Variants in TTL observed in about 807,000 individuals in gnomAD.
The protein encoded by TTL is tubulin--tyrosine ligase.
A neutral mutation model predicts 41.1 loss-of-function variants in TTL; 10 were observed. That is an observed-to-expected ratio of 0.24 (90% CI 0.15 to 0.41). The LOEUF (loss-of-function observed/expected upper bound fraction) is 0.41. Ranked by LOEUF, TTL falls within the 10% of genes least tolerant of loss-of-function variation. The probability of loss-of-function intolerance (pLI) is 1.00; values close to 1 mark genes in which losing one functional copy is unlikely to be tolerated. For missense variants in TTL, 367 were observed against 460.4 expected (o/e 0.80, Z 1.86); for synonymous variants, 175 against 175.5 (o/e 1.00, Z 0.02).
At chr2:112,510,604 TG>T (rs1354105929) in intron 5 of TTL, among the ~76,000 whole-genome samples, 5 of 152,206 alleles carry the variant, frequency 3.3e-5, no homozygotes, top group African/African-American at 1.2e-4. Context: ...CCCGTGTAGC[TG>T]GGATTACAGG....
chr2:112,489,184 C>G (rs1681317997), intron 2 of TTL, among the ~76,000 whole-genome samples: 1 of 152,144 alleles, frequency 6.6e-6, no homozygotes, highest in Non-Finnish European at 1.5e-5. Flanking sequence ...ATATAAAAAG[C>G]TATTATATTT....
At chr2:112,503,447 T>A (rs1014712893) in intron 5 of TTL, among the ~76,000 whole-genome samples, 15 of 145,424 alleles carry the variant, frequency 1.0e-4, no homozygotes, top group African/African-American at 2.0e-4. Context: ...TTATTTATTT[T>A]TTTGAGACAG....
intron 5 of TTL, among the ~76,000 whole-genome samples, chr2:112,513,022 G>A (rs7576952): frequency 0.067 from 10,112 of 150,918 alleles, 595 homozygotes; most frequent in East Asian, 0.29. Context: ...TTATTTCACA[G>A]CCTTCTTAGA....
In TTL at chr2:112,530,331, G is replaced by A. The variant is rs1682474646; in HGVS notation, c.*1536G>A. On this transcript the variant is annotated 3_prime_UTR_variant, in exon 7 of 7. Transcript: ENST00000233336. ...TGATAGGATGTGAGGGTGTTACCTT[G>A]GGGTGAAGTGGAGAAGGTCCCAGGT... The A allele has an allele frequency of 4.3e-6, 1 of 232,032 alleles. No homozygotes were observed. Among genetic ancestry groups the A allele is most frequent in the African/African-American group, 2.2e-5 (1 of 45,274 alleles). 14.4% of individuals were successfully genotyped at this position (232,032 alleles called of 1,614,324 possible). A position where few individuals can be genotyped will look rare whatever the true frequency, so the allele number is the denominator to read the frequency against.
In TTL at chr2:112,541,251, C is replaced by G. The variant is rs1595388; in HGVS notation, c.*12456C>G. On this transcript the variant is annotated 3_prime_UTR_variant, in exon 7 of 7. Transcript: ENST00000233336. ...ACTTCAAAATTAAAACGTTTTGCTTCAAAGGACACCAGCAAGAAAGTAAAA... is the reference window on the plus strand; with the variant it reads ...ACTTCAAAATTAAAACGTTTTGCTTGAAAGGACACCAGCAAGAAAGTAAAA... The G allele has an allele frequency of 0.52, 78,405 of 151,976 alleles. 20,734 individuals carry two copies. The highest frequency in any genetic ancestry group is 0.65 in the Middle Eastern group (190 of 294). The allele number at this position is 151,976 out of a possible 1,614,324, so 9.4% of individuals were successfully genotyped here.
intron 6 of TTL, among the ~76,000 whole-genome samples, chr2:112,521,716 G>A (rs1037327532): frequency 6.6e-6 from 1 of 152,190 alleles, no homozygotes; most frequent in Admixed American, 6.5e-5. Context: ...ACAGTGGGGA[G>A]CAAAGAGAGA....
intron 6 of TTL, chr2:112,522,676 C>G (rs115502336): frequency 0.013 from 1,932 of 152,808 alleles, 37 homozygotes; most frequent in African/African-American, 0.037. Context: ...TGTCTCCCGT[C>G]TGCCTCCAGA....
In TTL at chr2:112,491,177, G is replaced by A. The variant is rs566249376; in HGVS notation, c.237-2966G>A. Among the ~76,000 whole-genome samples the A allele has an allele frequency of 1.1e-4, 17 of 152,122 alleles. No individual in the cohort carries two copies. The East Asian group carries it at 2.9e-3, about 26-fold the overall frequency. ...CGGCTAATTTTTTGTATTTTTAGTA[G>A]AGATAGGGTTTCACCGCGTTAGCCA... On this transcript the variant is annotated intron_variant, in intron 2 of 6. Transcript: ENST00000233336.
At chr2:112,493,590 G>A (rs538741472) in intron 2 of TTL, among the ~76,000 whole-genome samples, 2 of 152,246 alleles carry the variant, frequency 1.3e-5, no homozygotes, top group Non-Finnish European at 2.9e-5. Context: ...GGGAGCAGGA[G>A]GTATATTTCA....
At position 112,535,049 on chromosome 2, in the gene TTL, A is replaced by G. The variant is rs1360857230; in HGVS notation, c.*6254A>G. The G allele has an allele frequency of 6.7e-6, 1 of 150,296 alleles. No homozygotes were observed. Among genetic ancestry groups the G allele is most frequent in the Non-Finnish European group, 1.5e-5 (1 of 67,964 alleles). 9.3% of individuals were successfully genotyped at this position (150,296 alleles called of 1,614,324 possible). The stretch of plus-strand genomic sequence containing the variant: ...GAAAGGAGGGAGGGAAGAAAAGAGA[A>G]AGATTGAGAAAGAAAAAAGAGAAAG... On this transcript the variant is annotated 3_prime_UTR_variant, in exon 7 of 7. Transcript: ENST00000233336.
At position 112,482,868 on chromosome 2, in the gene TTL, T is replaced by G. The variant is rs1165321892; in HGVS notation, c.157+367T>G. Among the ~76,000 whole-genome samples, 1 of 152,084 alleles carries G rather than the reference T, an allele frequency of 6.6e-6. No homozygotes were observed. Among genetic ancestry groups the G allele is most frequent in the Non-Finnish European group, 1.5e-5 (1 of 68,016 alleles). ...GCGGGTCCGCCGCGCTGGGCGCGGC[T>G]CCGCAGAGCGGGCGGCTGGAGTCAT... On this transcript the variant is annotated intron_variant, in intron 1 of 6. Transcript: ENST00000233336. The surrounding 1 kb of genome is among the most constrained non-coding windows in gnomAD (Gnocchi z 5.3).
intron 1 of TTL, among the ~76,000 whole-genome samples, chr2:112,485,271 T>TA (rs1681211385): frequency 6.6e-6 from 1 of 152,226 alleles, no homozygotes; most frequent in Non-Finnish European, 1.5e-5. Context: ...TTATTTTTAA[T>TA]AAAAATTGTT....
chr2:112,533,702 A>G lies in TTL; in HGVS notation c.*4907A>G, dbSNP rs1682550102. The G allele has an allele frequency of 6.6e-6, 1 of 152,214 alleles. No homozygotes were observed. The highest frequency in any genetic ancestry group is 2.1e-4 in the South Asian group (1 of 4,820). 9.4% of individuals were successfully genotyped at this position (152,214 alleles called of 1,614,324 possible). A position where few individuals can be genotyped will look rare whatever the true frequency, so the allele number is the denominator to read the frequency against. On this transcript the variant is annotated 3_prime_UTR_variant, in exon 7 of 7. Transcript: ENST00000233336. ...ATAACTAACCCACTCCTGGCATAACATCATTAATTTATTCATGAGGGTAGA... is the reference window on the plus strand; with the variant it reads ...ATAACTAACCCACTCCTGGCATAACGTCATTAATTTATTCATGAGGGTAGA...
chr2:112,512,439 T>C (rs1455122893), intron 5 of TTL, among the ~76,000 whole-genome samples: 2 of 152,078 alleles, frequency 1.3e-5, no homozygotes, highest in East Asian at 3.8e-4. Context: ...ATTTTTTGCA[T>C]TTTTAGTAGA....
rs767022904 is a variant in TTL, at chr2:112,501,269, A to C, written c.533A>C (p.Gln178Pro). Residue 178 changes from glutamine to proline, a missense_variant, in exon 4 of 7, where the codon CAA becomes CCA. Physicochemically the swap from Gln to Pro is moderately conservative, Grantham distance 76. Coordinates refer to ENST00000233336, the MANE Select transcript of TTL (RefSeq NM_153712.5). The stretch of plus-strand genomic sequence containing the variant: ...CTCGATTTCATAGACAACCAGGGCC[A>C]AGTGCACGTGATCCAGAAATATCTT... Reference protein sequence around the residue: ...ELLDFIDNQGQVHVIQKYLEH... With the variant: ...ELLDFIDNQGPVHVIQKYLEH... The C allele has an allele frequency of 1.7e-5, 27 of 1,613,658 alleles. No individual in the cohort carries two copies. The highest frequency in any genetic ancestry group is 2.2e-5 in the South Asian group (2 of 91,054).
chr2:112,523,342 G>GGGTGTGTC (rs1475791099), intron 6 of TTL, among the ~76,000 whole-genome samples: 4 of 44,278 alleles, frequency 9.0e-5, no homozygotes, highest in Non-Finnish European at 1.9e-4. Context: ...CTGTGGGTGT[G>GGGTGTGTC]TGTGTGTCTG....
intron 2 of TTL, among the ~76,000 whole-genome samples, chr2:112,486,759 G>A (rs185708632): frequency 1.3e-5 from 2 of 152,258 alleles, no homozygotes; most frequent in East Asian, 3.9e-4. Context: ...TGCCTCCCTC[G>A]TAAGGCTATT....
At chr2:112,507,398 C>G (rs1681818676) in intron 5 of TTL, among the ~76,000 whole-genome samples, 1 of 39,714 alleles carries the variant, frequency 2.5e-5, no homozygotes, top group African/African-American at 1.2e-4. Context: ...GTTGATCTGT[C>G]TAATGTTGAC....
chr2:112,495,846 TA>T (rs11400473), intron 3 of TTL, among the ~76,000 whole-genome samples: 7 of 149,040 alleles, frequency 4.7e-5, no homozygotes, highest in Admixed American at 1.3e-4. Context: ...TCTCAAAAAT[TA>T]AAAAAAAAAC....
Sources: allele counts gnomAD v4.1 joint callset (sites outside exome capture counted in the v4.1 genomes callset), GRCh38; gene constraint gnomAD v4.1.1; non-coding constraint Gnocchi (gnomAD v3.1); transcripts MANE v1.5; gene names NCBI Gene and HGNC (gene_info 2026-07-23, HGNC 2026-07-21).